The following ANKFN1 variants were observed in gnomAD, a reference collection of about 807,000 sequenced individuals.
The protein encoded by ANKFN1 is ankyrin repeat and fibronectin type III domain containing 1.
A neutral mutation model predicts 108.7 loss-of-function variants in ANKFN1; 74 were observed. The observed-to-expected ratio is 0.68, with a 90% confidence interval of 0.56 to 0.83. ANKFN1 has a LOEUF of 0.83. Ranked by LOEUF, ANKFN1 falls within the 40% of genes least tolerant of loss-of-function variation. The pLI, the probability that ANKFN1 is intolerant of heterozygous loss-of-function variation, is 0.00. For synonymous variants in ANKFN1, 547 were observed against 516.2 expected, an observed-to-expected ratio of 1.06 and a Z score of -0.81; for missense variants, 1,505 against 1,382.3, an observed-to-expected ratio of 1.09 and a Z score of -1.41.
intron 4 of ANKFN1, among the ~76,000 whole-genome samples, chr17:56,135,284 T>C: frequency 6.6e-6 from 1 of 152,222 alleles, no homozygotes; most frequent in East Asian, 1.9e-4. Flanking sequence ...TTGTAAAATA[T>C]ATTTGTGTGT....
At chr17:56,152,413 T>C (rs1908711930), upstream of ANKFN1, among the ~76,000 whole-genome samples, 1 of 151,232 alleles carries the variant, frequency 6.6e-6, no homozygotes. Context: ...TTTACTTGTC[T>C]TTTTTTTTCC....
rs1555660587 is a variant in ANKFN1 at position 56,467,791 on chromosome 17, G to GAGA, written c.1773+1221_1773+1222insGAA. ...AGAAAGAAAGAAAGAAAGAAAGAAA[G>GAGA]AAGAAAGAAAGAAAGAAAGAAAGAA... On this transcript the variant is annotated intron_variant, in intron 15 of 20. Transcript: ENST00000682825. Among the ~76,000 whole-genome samples, 19 of 55,056 alleles carry GAGA rather than the reference G, an allele frequency of 3.5e-4. 1 individual carries two copies. The highest frequency in any genetic ancestry group is 1.0e-3 in the African/African-American group (19 of 18,696). The allele number at this position is 55,056 out of a possible 152,430, so 36.1% of individuals were successfully genotyped here.
chr17:56,110,483 C>T (rs547258456), intron 4 of ANKFN1, among the ~76,000 whole-genome samples: 1 of 152,232 alleles, frequency 6.6e-6, no homozygotes, highest in South Asian at 2.1e-4. Context: ...TGTCTGTCTC[C>T]CTTACTGGTT....
At chr17:56,317,196 G>A (rs189607383) in intron 3 of ANKFN1, among the ~76,000 whole-genome samples, 7 of 152,202 alleles carry the variant, frequency 4.6e-5, no homozygotes, top group East Asian at 1.9e-4. Context: ...GACTTTCAAC[G>A]TCATCTAGCA....
At chr17:56,328,776 TAA>T (rs11319397) in intron 4 of ANKFN1, among the ~76,000 whole-genome samples, 473 of 150,674 alleles carry the variant, frequency 3.1e-3, no homozygotes, top group Non-Finnish European at 3.9e-3. Context: ...TATGTTCCTT[TAA>T]AAAAAAAAGG....
chr17:56,375,351 A>C (rs2046918338), intron 8 of ANKFN1, among the ~76,000 whole-genome samples: 2 of 152,216 alleles, frequency 1.3e-5, no homozygotes, highest in African/African-American at 4.8e-5. Flanking sequence ...GGACAGGTAG[A>C]GCAAACTAAG....
chr17:56,061,269 T>TTC (rs1555589360), intron 4 of ANKFN1, among the ~76,000 whole-genome samples: 6 of 127,032 alleles, frequency 4.7e-5, no homozygotes, highest in South Asian at 2.7e-4. Flanking sequence ...GTTTTTCTTT[T>TTC]TTTTTTTTTT....
chr17:56,350,735 A>G (rs2046224502), intron 4 of ANKFN1, 31 bp from the exon 5 acceptor site: 1 of 1,588,988 alleles, frequency 6.3e-7, no homozygotes, highest in Non-Finnish European at 8.6e-7. Context: ...TGTGGTGTAA[A>G]AGATATAACA....
chr17:56,461,915 G>A lies in ANKFN1; in HGVS notation c.1557+3936G>A, dbSNP rs1217768568. On this transcript the variant is annotated intron_variant, in intron 14 of 20. Coordinates refer to ENST00000682825, the MANE Select transcript of ANKFN1 (RefSeq NM_001370326.1). ...CACAGAAATGTTTTGTAGTTTTGTA[G>A]CATAGTTACCACCTGGATGGATAGC... Among the ~76,000 whole-genome samples the A allele has an allele frequency of 3.3e-5, 5 of 152,178 alleles. No individual in the cohort carries two copies. In the East Asian group the frequency reaches 7.7e-4, roughly 23 times the overall value.
intron 8 of ANKFN1, among the ~76,000 whole-genome samples, chr17:56,438,613 G>A (rs2048999361): frequency 6.6e-6 from 1 of 152,056 alleles, no homozygotes; most frequent in African/African-American, 2.4e-5. Context: ...CAGGATGAGT[G>A]CAGTGGTACA....
intron 8 of ANKFN1, among the ~76,000 whole-genome samples, chr17:56,410,232 C>T (rs9913580): frequency 0.031 from 4,681 of 152,120 alleles, 250 homozygotes; most frequent in African/African-American, 0.11. Context: ...TGTGCCACCA[C>T]GCCCAGCTAA....
intron 3 of ANKFN1, among the ~76,000 whole-genome samples, chr17:56,267,057 G>A (rs8067693): frequency 0.022 from 3,399 of 152,006 alleles, 119 homozygotes; most frequent in African/African-American, 0.077. Context: ...TAGTTTTTCC[G>A]TCCTCAGCCT....
chr17:56,414,784 C>T (rs549054558), intron 8 of ANKFN1, among the ~76,000 whole-genome samples: 3 of 152,152 alleles, frequency 2.0e-5, no homozygotes, highest in Non-Finnish European at 4.4e-5. Context: ...TTTGGAAGGC[C>T]GAGATGGGCA....
At chr17:56,432,478 C>T (rs893835156) in intron 8 of ANKFN1, among the ~76,000 whole-genome samples, 1 of 152,188 alleles carries the variant, frequency 6.6e-6, no homozygotes, top group African/African-American at 2.4e-5. Context: ...CCTGTTCAGG[C>T]GTAATCTTTT....
chr17:56,434,617 C>A (rs757991383), intron 8 of ANKFN1, among the ~76,000 whole-genome samples: 4 of 152,150 alleles, frequency 2.6e-5, no homozygotes, highest in African/African-American at 7.2e-5. Flanking sequence ...GCTCCGACCT[C>A]ATATTTTGCC....
chr17:56,485,516 G>T (rs1007320826), intron 18 of ANKFN1, among the ~76,000 whole-genome samples: 2 of 152,110 alleles, frequency 1.3e-5, no homozygotes, highest in African/African-American at 4.8e-5. Flanking sequence ...GACCATGCAG[G>T]GCCTCACAGG....
intron 3 of ANKFN1, among the ~76,000 whole-genome samples, chr17:56,280,046 G>A (rs953053423): frequency 9.1e-6 from 1 of 109,492 alleles, no homozygotes; most frequent in African/African-American, 3.7e-5. Flanking sequence ...GTTTCTTTTT[G>A]TTGCCCAGGC....
chr17:56,406,498 G>A (rs1211604109), intron 8 of ANKFN1, among the ~76,000 whole-genome samples: 5 of 150,292 alleles, frequency 3.3e-5, no homozygotes, highest in East Asian at 1.9e-4. Flanking sequence ...TTAAGCTATC[G>A]AGAAAGAGAA....
At chr17:56,083,285 T>G (rs1039256945) in intron 4 of ANKFN1, among the ~76,000 whole-genome samples, 4 of 151,364 alleles carry the variant, frequency 2.6e-5, no homozygotes, top group African/African-American at 9.7e-5. Flanking sequence ...ACACACTGGG[T>G]AACTTCCTCT....
Sources: gnomAD v4.1 joint callset for allele counts (sites outside exome capture counted in the v4.1 genomes callset) on GRCh38, gnomAD v4.1.1 for gene constraint, MANE v1.5 for transcripts, NCBI Gene and HGNC (gene_info 2026-07-23, HGNC 2026-07-21) for gene names.